CA10: variants seen among roughly 807,000 people sequenced by gnomAD.
CA10 encodes the protein carbonic anhydrase-related protein 10.
CA10 carries 14 observed loss-of-function variants against 44.2 expected under a neutral mutation model. The observed-to-expected ratio is 0.32, with a 90% CI of 0.21 to 0.50. CA10 has a LOEUF of 0.50. Ranked by LOEUF, CA10 falls within the 20% of genes least tolerant of loss-of-function variation. The probability of loss-of-function intolerance (pLI) is 0.99; values close to 1 mark genes in which losing one functional copy is unlikely to be tolerated. For synonymous variants in CA10, 159 were observed against 141.6 expected, an observed-to-expected ratio of 1.12 and a Z score of -0.87; for missense variants, 350 against 409.7, an observed-to-expected ratio of 0.85 and a Z score of 1.26.
At chr17:51,908,769 C>T (rs542283050) in intron 3 of CA10, among the ~76,000 whole-genome samples, 2 of 152,270 alleles carry the variant, frequency 1.3e-5, no homozygotes, top group African/African-American at 4.8e-5. Context: ...TGACTCCTGT[C>T]GCATTCACTG....
intron 2 of CA10, among the ~76,000 whole-genome samples, chr17:51,963,020 A>G (rs1983949433): frequency 6.6e-6 from 1 of 152,124 alleles, no homozygotes; most frequent in Non-Finnish European, 1.5e-5. Context: ...ACACAAATAA[A>G]CTCCTAAATA....
chr17:51,942,556 C>T (rs1347211012), intron 2 of CA10, among the ~76,000 whole-genome samples: 1 of 122,150 alleles, frequency 8.2e-6, no homozygotes, highest in South Asian at 3.7e-4. Context: ...ATATATATAT[C>T]TGTCATCTCC....
intron 3 of CA10, among the ~76,000 whole-genome samples, chr17:51,788,149 C>T (rs549890671): frequency 9.9e-5 from 15 of 152,210 alleles, no homozygotes; most frequent in African/African-American, 3.6e-4. Flanking sequence ...GTTGTGTTTC[C>T]ATTATCATTT....
chr17:51,743,719 G>A (rs1236442089), intron 4 of CA10, among the ~76,000 whole-genome samples: 1 of 152,160 alleles, frequency 6.6e-6, no homozygotes, highest in Non-Finnish European at 1.5e-5. Flanking sequence ...TGATAGATAG[G>A]GCAGATGGCA....
At chr17:51,664,359 T>A (rs1272172629) in intron 4 of CA10, among the ~76,000 whole-genome samples, 1 of 152,014 alleles carries the variant, frequency 6.6e-6, no homozygotes, top group Non-Finnish European at 1.5e-5. Context: ...TTTATTACAA[T>A]CAAGTAGGGC....
chr17:51,632,933 C>A (rs1329878178), intron 8 of CA10, among the ~76,000 whole-genome samples: 2 of 152,162 alleles, frequency 1.3e-5, no homozygotes, highest in Non-Finnish European at 2.9e-5. Context: ...GGCAAAGATA[C>A]ACTCACAAAT....
intron 2 of CA10, among the ~76,000 whole-genome samples, chr17:52,018,879 A>G (rs1598169118): frequency 6.6e-6 from 1 of 151,776 alleles, no homozygotes; most frequent in African/African-American, 2.4e-5. Context: ...TCACGGGGGT[A>G]GATCCCTCAT....
intron 1 of CA10, among the ~76,000 whole-genome samples, chr17:52,093,031 C>T (rs754315926): frequency 1.1e-4 from 16 of 151,714 alleles, no homozygotes; most frequent in African/African-American, 1.7e-4. Flanking sequence ...ATCATGTTGA[C>T]GAGAAAAAAA....
intron 2 of CA10, among the ~76,000 whole-genome samples, chr17:51,977,207 T>A (rs1261835324): frequency 6.6e-6 from 1 of 151,910 alleles, no homozygotes; most frequent in Non-Finnish European, 1.5e-5. Flanking sequence ...ATATCTTTGA[T>A]ACCAAATCCA....
At chr17:52,110,277 A>G (rs1434101004) in intron 1 of CA10, among the ~76,000 whole-genome samples, 1 of 152,096 alleles carries the variant, frequency 6.6e-6, no homozygotes, top group East Asian at 1.9e-4. Context: ...GTGGGTAGGG[A>G]GCAGGTATGA....
chr17:52,061,561 G>A (rs1987385475), intron 2 of CA10, among the ~76,000 whole-genome samples: 1 of 152,146 alleles, frequency 6.6e-6, no homozygotes, highest in Non-Finnish European at 1.5e-5. Context: ...CAGGTGTTGA[G>A]AGACCTAGTG....
intron 1 of CA10, among the ~76,000 whole-genome samples, chr17:52,149,675 G>A (rs1261045453): frequency 1.3e-5 from 2 of 152,204 alleles, no homozygotes; most frequent in Non-Finnish European, 2.9e-5. Context: ...ATGGTCAACA[G>A]GGTCCTGGCT....
At chr17:51,822,128 A>C (rs1379029932) in intron 3 of CA10, among the ~76,000 whole-genome samples, 2 of 152,102 alleles carry the variant, frequency 1.3e-5, no homozygotes, top group Non-Finnish European at 2.9e-5. Context: ...TCTCATATTA[A>C]AAACCCCATC....
chr17:51,969,475 C>T (rs1256913329), intron 2 of CA10, among the ~76,000 whole-genome samples: 3 of 151,950 alleles, frequency 2.0e-5, no homozygotes, highest in Non-Finnish European at 4.4e-5. Context: ...TCTTATTTTC[C>T]CTTAATAGTT....
intron 2 of CA10, among the ~76,000 whole-genome samples, chr17:52,023,728 AC>A (rs1027005191): frequency 2.0e-5 from 3 of 152,058 alleles, no homozygotes; most frequent in Non-Finnish European, 4.4e-5. Context: ...TATGCATGCA[AC>A]AAAGGCCTAC....
rs1555568608 is a variant in CA10, at chr17:52,123,371, G to GGGGTGTGTGT, written c.61+34354_61+34355insACACACACCC. Among the ~76,000 whole-genome samples, 55 of 146,340 alleles carry GGGGTGTGTGT rather than the reference G, an allele frequency of 3.8e-4. 1 individual carries two copies. The South Asian group carries it at 9.6e-3, about 26-fold the overall frequency. On this transcript the variant is annotated intron_variant, in intron 1 of 8. Coordinates refer to ENST00000451037, the MANE Select transcript of CA10 (RefSeq NM_020178.5). ...TGTGTGTATGTGTGTATATATATGG[G>GGGGTGTGTGT]GTGTGTGTGTGTGTGTGTGTGTGTG...
chr17:51,893,136 G>C (rs1158064392), intron 3 of CA10, among the ~76,000 whole-genome samples: 2 of 151,878 alleles, frequency 1.3e-5, no homozygotes, highest in Admixed American at 6.6e-5. Context: ...CAGATAAAAA[G>C]ACTATAATCA....
At chr17:51,998,797 A>C (rs1212269716) in intron 2 of CA10, among the ~76,000 whole-genome samples, 2 of 152,124 alleles carry the variant, frequency 1.3e-5, no homozygotes, top group East Asian at 2.0e-4. Flanking sequence ...AATTCTCAGT[A>C]ATAATCCAGG....
chr17:51,808,427 T>C (rs1299161548), intron 3 of CA10, among the ~76,000 whole-genome samples: 1 of 152,246 alleles, frequency 6.6e-6, no homozygotes, highest in African/African-American at 2.4e-5. Context: ...TATAGCTTTT[T>C]TTCCTTTTTC....
Sources: allele counts gnomAD v4.1 joint callset (sites outside exome capture counted in the v4.1 genomes callset), GRCh38; gene constraint gnomAD v4.1.1; transcripts MANE v1.5; gene names NCBI Gene and HGNC (gene_info 2026-07-23, HGNC 2026-07-21).